STON2: variants seen among roughly 807,000 people sequenced by gnomAD.
STON2 encodes the protein stonin-2.
STON2 carries 29 observed loss-of-function variants against 65.7 expected under a neutral mutation model. That is an observed-to-expected ratio of 0.44 (90% CI 0.33 to 0.60). STON2 has a LOEUF of 0.60. Among genes scored for constraint, STON2 ranks in the 20% least tolerant of loss-of-function variants. The probability of loss-of-function intolerance (pLI) is 0.03; values close to 1 mark genes in which losing one functional copy is unlikely to be tolerated. For synonymous variants in STON2, 404 were observed against 414.2 expected (o/e 0.98, Z 0.30); for missense variants, 1,054 against 1,118.1 (o/e 0.94, Z 0.82).
intron 7 of STON2, chr14:81,269,378 C>G (rs1894482689): frequency 1.0e-6 from 1 of 985,300 alleles, no homozygotes; most frequent in African/African-American, 1.7e-5. Flanking sequence ...TCTGCAATAT[C>G]TTCTGCAAAA....
At chr14:81,319,778 C>T (rs1896755993) in intron 5 of STON2, among the ~76,000 whole-genome samples, 1 of 152,164 alleles carries the variant, frequency 6.6e-6, no homozygotes, top group Non-Finnish European at 1.5e-5. Flanking sequence ...TTAAAAATGT[C>T]TCAGAGTAAT....
intron 5 of STON2, among the ~76,000 whole-genome samples, chr14:81,283,176 G>T (rs903938555): frequency 1.3e-5 from 2 of 152,074 alleles, no homozygotes; most frequent in Non-Finnish European, 2.9e-5. Flanking sequence ...AAAGAGAAGT[G>T]GTGGATTCTT....
intron 5 of STON2, among the ~76,000 whole-genome samples, chr14:81,304,006 G>A (rs1283967080): frequency 1.3e-5 from 2 of 152,008 alleles, no homozygotes; most frequent in Non-Finnish European, 2.9e-5. Context: ...TTTTAACAAC[G>A]GCATGAGTTT....
chr14:81,411,536 G>C (rs1435108206), intron 2 of STON2, among the ~76,000 whole-genome samples: 2 of 152,136 alleles, frequency 1.3e-5, no homozygotes, highest in East Asian at 3.9e-4. Flanking sequence ...GTGAAACCCT[G>C]CCTCTACTAA....
chr14:81,266,990 C>T lies in STON2; in HGVS notation c.*1424G>A, dbSNP rs1566877611. 1.0e-6 allele frequency: 1 copy of T among 985,324 alleles called. No individual in the cohort carries two copies. The highest frequency in any genetic ancestry group is 6.1e-5 in the Admixed American group (1 of 16,280). The allele number at this position is 985,324 out of a possible 1,614,324, so 61.0% of individuals were successfully genotyped here. A position where few individuals can be genotyped will look rare whatever the true frequency, so the allele number is the denominator to read the frequency against. On this transcript the variant is annotated 3_prime_UTR_variant, in exon 8 of 8. Transcript: ENST00000614646. ...TGTAACTATTTCTATATCCCAGTGT[C>T]AATACACATTTAGACTCCAATGATT...
intron 4 of STON2, 96 bp downstream of exon 4, chr14:81,370,892 G>T: frequency 8.6e-7 from 1 of 1,160,640 alleles, no homozygotes; most frequent in South Asian, 1.4e-5. Context: ...TTCTGCAAAG[G>T]AAGCCAGCTG....
At chr14:81,404,197 C>T (rs1249113079), upstream of STON2, among the ~76,000 whole-genome samples, 4 of 152,138 alleles carry the variant, frequency 2.6e-5, no homozygotes, top group Admixed American at 6.5e-5. Context: ...TATGTTCATT[C>T]CCCTTTCTCT....
At chr14:81,272,368 AC>A (rs1894635197) in intron 6 of STON2, among the ~76,000 whole-genome samples, 1 of 152,040 alleles carries the variant, frequency 6.6e-6, no homozygotes, top group African/African-American at 2.4e-5. Context: ...AGCTGTAAGA[AC>A]CCCCATATAG....
At chr14:81,271,276 T>G (rs574211949) in intron 6 of STON2, among the ~76,000 whole-genome samples, 18 of 152,364 alleles carry the variant, frequency 1.2e-4, no homozygotes, top group African/African-American at 4.1e-4. Context: ...GAGCAAATCA[T>G]TGCTTTCCTT....
At chr14:81,357,465 G>C (rs1898291913) in intron 4 of STON2, among the ~76,000 whole-genome samples, 1 of 151,238 alleles carries the variant, frequency 6.6e-6, no homozygotes, top group South Asian at 2.1e-4. Flanking sequence ...CTGTAAACTA[G>C]TTCAACCATT....
intron 5 of STON2, among the ~76,000 whole-genome samples, chr14:81,312,847 C>T (rs142140676): frequency 4.7e-4 from 72 of 152,292 alleles, no homozygotes; most frequent in African/African-American, 1.6e-3. Flanking sequence ...TTTGTATGCA[C>T]GTAATCATAT....
At position 81,261,942 on chromosome 14, in the gene STON2, GATA is replaced by G; in HGVS notation, c.*6469_*6471del. On this transcript the variant is annotated 3_prime_UTR_variant, in exon 8 of 8. Transcript: ENST00000614646. ...GTCTGTTTCTGTTGTCTGGGGAAAT[GATA>G]AAAAAAAAAAAAAAAAAGAGAGAGA... 1 of 963,700 alleles carries G rather than the reference GATA, an allele frequency of 1.0e-6. No individual in the cohort carries two copies. The highest frequency in any genetic ancestry group is 3.6e-5 in the South Asian group (1 of 27,548). 59.7% of individuals were successfully genotyped at this position (963,700 alleles called of 1,614,324 possible). A position where few individuals can be genotyped will look rare whatever the true frequency, so the allele number is the denominator to read the frequency against.
intron 3 of STON2, among the ~76,000 whole-genome samples, chr14:81,388,588 T>C (rs1327330138): frequency 1.3e-5 from 2 of 152,224 alleles, no homozygotes; most frequent in Admixed American, 1.3e-4. Flanking sequence ...AGTCTCTTTG[T>C]CCCTAACTCC....
At chr14:81,317,511 C>G (rs1180077882) in intron 5 of STON2, among the ~76,000 whole-genome samples, 1 of 152,230 alleles carries the variant, frequency 6.6e-6, no homozygotes, top group Admixed American at 6.5e-5. Flanking sequence ...TGGAGAATAT[C>G]TGAGAATCTC....
At chr14:81,269,861 C>G in intron 7 of STON2, 10 of 985,410 alleles carry the variant, frequency 1.0e-5, no homozygotes, top group Non-Finnish European at 1.2e-5. Context: ...ATTCCTTCCA[C>G]AGCCCTGACC....
intron 3 of STON2, among the ~76,000 whole-genome samples, chr14:81,384,166 T>C (rs536229029): frequency 2.0e-5 from 3 of 152,194 alleles, no homozygotes; most frequent in African/African-American, 7.2e-5. Context: ...CCCCTCACCA[T>C]AGTCCCTTGT....
intron 1 of STON2, among the ~76,000 whole-genome samples, chr14:81,428,648 A>C (rs1211347310): frequency 6.6e-6 from 1 of 152,142 alleles, no homozygotes; most frequent in Non-Finnish European, 1.5e-5. Context: ...GCTTGAACCC[A>C]GGAGGCAGAG....
chr14:81,414,291 G>A (rs1901312113), intron 2 of STON2, among the ~76,000 whole-genome samples: 1 of 152,156 alleles, frequency 6.6e-6, no homozygotes, highest in African/African-American at 2.4e-5. Flanking sequence ...TGAGGCCAGA[G>A]ATACAAGTTA....
At chr14:81,346,363 A>G (rs1008448660) in intron 4 of STON2, among the ~76,000 whole-genome samples, 9 of 152,158 alleles carry the variant, frequency 5.9e-5, no homozygotes, top group African/African-American at 2.2e-4. Context: ...CTATAAAAAG[A>G]GACCTCAAGG....
Sources: gnomAD v4.1 joint callset for allele counts (sites outside exome capture counted in the v4.1 genomes callset) on GRCh38, gnomAD v4.1.1 for gene constraint, MANE v1.5 for transcripts, NCBI Gene and HGNC (gene_info 2026-07-23, HGNC 2026-07-21) for gene names.